Variants in NTRK3 observed in about 807,000 individuals in gnomAD.
NTRK3 encodes neurotrophic receptor tyrosine kinase 3, also known as NT-3 growth factor receptor.
In NTRK3, 24 loss-of-function variants were observed where a neutral mutation model predicts 91.7. The observed-to-expected ratio is 0.26, with a 90% CI of 0.19 to 0.37. NTRK3 has a LOEUF of 0.37. Ranked by LOEUF, NTRK3 falls within the 10% of genes least tolerant of loss-of-function variation. The pLI is 1.00. For synonymous variants in NTRK3, 483 were observed against 404.0 expected (o/e 1.20, Z -2.34); for missense variants, 880 against 1,068.9 (o/e 0.82, Z 2.46).
intron 13 of NTRK3, among the ~76,000 whole-genome samples, chr15:88,115,121 C>T (rs2151009386): frequency 6.6e-6 from 1 of 152,238 alleles, no homozygotes; most frequent in South Asian, 2.1e-4. Context: ...ATTGTCAAGC[C>T]ACTTTCCAGA....
At chr15:88,131,380 T>G (rs1050781586) in intron 10 of NTRK3, among the ~76,000 whole-genome samples, 5 of 152,256 alleles carry the variant, frequency 3.3e-5, no homozygotes, top group African/African-American at 1.2e-4. Flanking sequence ...GATGGAGTCC[T>G]TCAAAGAAAG....
At chr15:87,924,208 T>C (rs2068106580) in intron 17 of NTRK3, among the ~76,000 whole-genome samples, 1 of 152,116 alleles carries the variant, frequency 6.6e-6, no homozygotes, top group African/African-American at 2.4e-5. Flanking sequence ...CAGTCAGGAA[T>C]TATAGGAGCA....
intron 13 of NTRK3, among the ~76,000 whole-genome samples, chr15:88,052,763 A>T (rs572564791): frequency 6.6e-6 from 1 of 152,216 alleles, no homozygotes; most frequent in Non-Finnish European, 1.5e-5. Flanking sequence ...GTATAGGTGC[A>T]GAAGTTTGCT....
At chr15:87,998,697 A>G (rs1307592171) in intron 14 of NTRK3, among the ~76,000 whole-genome samples, 2 of 152,216 alleles carry the variant, frequency 1.3e-5, no homozygotes, top group African/African-American at 4.8e-5. Flanking sequence ...GCAAATAGAG[A>G]AACTTCAATA....
At chr15:88,038,390 T>G (rs1255864286) in intron 13 of NTRK3, among the ~76,000 whole-genome samples, 1 of 152,198 alleles carries the variant, frequency 6.6e-6, no homozygotes, top group African/African-American at 2.4e-5. Flanking sequence ...GGCCCATCAC[T>G]TCAAAGGATG....
intron 3 of NTRK3, among the ~76,000 whole-genome samples, chr15:88,251,781 G>A (rs984412424): frequency 1.4e-4 from 21 of 152,264 alleles, no homozygotes; most frequent in Non-Finnish European, 2.6e-4. Flanking sequence ...CAGCCAGGCA[G>A]GAGGGTAGTA....
At chr15:87,895,672 ACC>A (rs67734073) in intron 17 of NTRK3, among the ~76,000 whole-genome samples, 3 of 152,048 alleles carry the variant, frequency 2.0e-5, no homozygotes, top group Non-Finnish European at 1.5e-5. Flanking sequence ...AGAGCCAGGC[ACC>A]CTTTTAGGTC....
chr15:88,033,072 C>G lies in NTRK3; in HGVS notation c.1397-27G>C, dbSNP rs2078697864. ...TGCACACACCAAGAGAGACGCAGGA[C>G]CTGGTGACGTCACATCCGGCCAGTT... On this transcript the variant is annotated intron_variant, in intron 13 of 18. Transcript: ENST00000394480. 4 of 1,552,954 alleles carry G rather than the reference C, an allele frequency of 2.6e-6. No homozygotes were observed. In the South Asian group the frequency reaches 4.7e-5, roughly 18 times the overall value.
chr15:88,085,055 C>T (rs2048375522), intron 13 of NTRK3, among the ~76,000 whole-genome samples: 1 of 152,140 alleles, frequency 6.6e-6, no homozygotes, highest in Non-Finnish European at 1.5e-5. Flanking sequence ...TTCCCAGGGT[C>T]AAAAGAGTAG....
chr15:88,118,462 G>T (rs1793665202), intron 13 of NTRK3, among the ~76,000 whole-genome samples: 1 of 152,206 alleles, frequency 6.6e-6, no homozygotes, highest in African/African-American at 2.4e-5. Flanking sequence ...ATGCTAGAAA[G>T]TCAAAGCTGG....
intron 13 of NTRK3, among the ~76,000 whole-genome samples, chr15:88,103,937 C>A (rs1160767086): frequency 6.6e-6 from 1 of 152,186 alleles, no homozygotes; most frequent in African/African-American, 2.4e-5. Context: ...CAATTCTACA[C>A]TAGAGACATT....
At position 88,149,003 on chromosome 15, in the gene NTRK3, C is replaced by T. The variant is rs112768657; in HGVS notation, c.396-1600G>A. Among the ~76,000 whole-genome samples, 397 of 152,232 alleles carry T rather than the reference C, an allele frequency of 2.6e-3. 3 individuals are homozygous for T. Among genetic ancestry groups the T allele is most frequent in the African/African-American group, 9.1e-3 (378 of 41,522 alleles). ...CACATGGAGGCGATGGGATAGAGAC[C>T]TTCCCCTTGCAAATATGAAGTTTGA... On this transcript the variant is annotated intron_variant, in intron 5 of 18. Transcript: ENST00000394480.
At chr15:87,950,866 G>A (rs1159153997) in intron 14 of NTRK3, among the ~76,000 whole-genome samples, 3 of 152,168 alleles carry the variant, frequency 2.0e-5, no homozygotes, top group Non-Finnish European at 4.4e-5. Context: ...ACTGCATGGA[G>A]TTTTGATATC....
intron 17 of NTRK3, among the ~76,000 whole-genome samples, chr15:87,901,770 G>C (rs1367745687): frequency 6.6e-6 from 1 of 150,766 alleles, no homozygotes; most frequent in African/African-American, 2.5e-5. Flanking sequence ...GGGGAGGGGG[G>C]GAGAGGGGGA....
chr15:88,021,013 A>G (rs78389478), intron 14 of NTRK3, among the ~76,000 whole-genome samples: 1 of 152,136 alleles, frequency 6.6e-6, no homozygotes, highest in Non-Finnish European at 1.5e-5. Flanking sequence ...AAGAGGCAGC[A>G]GATCTGCCTG....
At chr15:88,063,300 C>T (rs963150234) in intron 13 of NTRK3, among the ~76,000 whole-genome samples, 1 of 152,222 alleles carries the variant, frequency 6.6e-6, no homozygotes, top group Admixed American at 6.5e-5. Flanking sequence ...GTCACCAACT[C>T]ATGCAAGCAT....
intron 14 of NTRK3, among the ~76,000 whole-genome samples, chr15:88,017,924 C>T (rs1445091271): frequency 2.0e-5 from 3 of 152,200 alleles, no homozygotes; most frequent in Admixed American, 6.5e-5. Context: ...GAGGGCTGCT[C>T]GACTCAGCAG....
intron 17 of NTRK3, among the ~76,000 whole-genome samples, chr15:87,917,173 A>C (rs561958065): frequency 5.9e-5 from 9 of 152,358 alleles, no homozygotes; most frequent in African/African-American, 1.7e-4. Flanking sequence ...AGGATGAAAC[A>C]TACTTACCTT....
At chr15:88,119,685 G>C (rs577531966) in intron 13 of NTRK3, among the ~76,000 whole-genome samples, 3 of 152,268 alleles carry the variant, frequency 2.0e-5, no homozygotes, top group Non-Finnish European at 4.4e-5. Context: ...AATAGAAAAA[G>C]AAGTCAAGAA....
Sources: gnomAD v4.1 joint callset for allele counts (sites outside exome capture counted in the v4.1 genomes callset) on GRCh38, gnomAD v4.1.1 for gene constraint, MANE v1.5 for transcripts, NCBI Gene and HGNC (gene_info 2026-07-23, HGNC 2026-07-21) for gene names.